LMBR1: variants seen among roughly 807,000 people sequenced by gnomAD.
LMBR1 encodes the protein limb development membrane protein 1, also known as limb region 1 protein homolog.
A neutral mutation model predicts 73.9 loss-of-function variants in LMBR1; 52 were observed. That is an observed-to-expected ratio of 0.70 (90% confidence interval 0.56 to 0.89). The LOEUF (loss-of-function observed/expected upper bound fraction) is 0.89. LMBR1 is among the 40% of genes least tolerant of loss of function. The pLI is 0.00. For missense variants in LMBR1, 539 were observed against 579.8 expected, an observed-to-expected ratio of 0.93 and a Z score of 0.72; for synonymous variants, 215 against 209.4, an observed-to-expected ratio of 1.03 and a Z score of -0.23.
intron 9 of LMBR1, among the ~76,000 whole-genome samples, chr7:156,741,400 A>G (rs557914158): frequency 6.6e-6 from 1 of 152,332 alleles, no homozygotes; most frequent in African/African-American, 2.4e-5. Flanking sequence ...TCTGTTGCCT[A>G]AAAGAAATAC....
intron 15 of LMBR1, among the ~76,000 whole-genome samples, chr7:156,710,127 G>C (rs1228510973): frequency 6.6e-6 from 1 of 150,962 alleles, no homozygotes; most frequent in African/African-American, 2.4e-5. Context: ...GGATGCTCTC[G>C]ATCTCCCGAC....
chr7:156,870,874 CAAGAA>C (rs1799184649), intron 1 of LMBR1, among the ~76,000 whole-genome samples: 1 of 151,460 alleles, frequency 6.6e-6, no homozygotes, highest in South Asian at 2.1e-4. Context: ...ACATTAAAAA[CAAGAA>C]AAGTCTCAAA....
rs574844277 is a variant in LMBR1, at chr7:156,768,969, G to A, written c.424-5174C>T. 7.9e-5 allele frequency among the ~76,000 whole-genome samples: 12 copies of A among 152,276 alleles called. 1 individual carries two copies. Among genetic ancestry groups the A allele is most frequent in the African/African-American group, 2.9e-4 (12 of 41,552 alleles). The stretch of plus-strand genomic sequence containing the variant: ...AAATGGCCTCCTGGAGTATTTGTGA[G>A]CTATTAAGTCTCTCACAAAAGCTGA... On this transcript the variant is annotated intron_variant, in intron 5 of 16. Transcript: ENST00000353442.
intron 9 of LMBR1, among the ~76,000 whole-genome samples, chr7:156,736,809 A>T (rs1817956569): frequency 6.6e-6 from 1 of 152,180 alleles, no homozygotes; most frequent in Admixed American, 6.5e-5. Flanking sequence ...CCACCCCTAG[A>T]ATTAGCAATA....
chr7:156,741,999 A>G (rs1189249311), intron 9 of LMBR1, among the ~76,000 whole-genome samples: 1 of 152,142 alleles, frequency 6.6e-6, no homozygotes, highest in Non-Finnish European at 1.5e-5. Flanking sequence ...GGAATTTTCA[A>G]AACTATACAA....
Position 156,706,714 on chromosome 7 carries a change from C to T in LMBR1, c.1225+17398G>A, listed in dbSNP as rs59889857. On this transcript the variant is annotated intron_variant, in intron 15 of 16. Transcript: ENST00000353442. ...TGGAAACACAACATACTGAAACTTGCGAGATACAGCAAAAACAGTGCTAGG... is the reference window on the plus strand; with the variant it reads ...TGGAAACACAACATACTGAAACTTGTGAGATACAGCAAAAACAGTGCTAGG... Among the ~76,000 whole-genome samples, 63 of 151,630 alleles carry T rather than the reference C, an allele frequency of 4.2e-4. 1 individual carries two copies. Among genetic ancestry groups the T allele is most frequent in the African/African-American group, 1.5e-3 (60 of 41,362 alleles).
At position 156,762,119 on chromosome 7, in the gene LMBR1, TA is replaced by T; in HGVS notation, c.684+14del. The T allele has an allele frequency of 6.7e-7, 1 of 1,498,078 alleles. No homozygotes were observed. The highest frequency in any genetic ancestry group is 9.3e-7 in the Non-Finnish European group (1 of 1,076,916). The allele number at this position is 1,498,078 out of a possible 1,614,324, so 92.8% of individuals were successfully genotyped here. Reference sequence around the variant, plus strand: ...TTTATTTAATAAACAAAATGATTTATAATTAAATACTTACTGTTGGCTTCAC... The same window carrying T: ...TTTATTTAATAAACAAAATGATTTATATTAAATACTTACTGTTGGCTTCAC... On this transcript the variant is annotated intron_variant, in intron 8 of 16. Transcript: ENST00000353442.
intron 1 of LMBR1, among the ~76,000 whole-genome samples, chr7:156,889,960 C>A (rs921423689): frequency 6.6e-6 from 1 of 152,010 alleles, no homozygotes; most frequent in African/African-American, 2.4e-5. Context: ...GCCATGATTG[C>A]GCCACTGCAC....
intron 5 of LMBR1, among the ~76,000 whole-genome samples, chr7:156,785,164 C>T (rs1827848590): frequency 6.6e-6 from 1 of 152,106 alleles, no homozygotes; most frequent in South Asian, 2.1e-4. Context: ...GTAATCCCAG[C>T]TACTTGGGAG....
chr7:156,671,707 T>TA (rs1802585300), intron 4 of LMBR1, among the ~76,000 whole-genome samples: 2 of 152,296 alleles, frequency 1.3e-5, no homozygotes, highest in Non-Finnish European at 2.9e-5. Flanking sequence ...CCCCAACAGT[T>TA]AGTTTTTCAG....
chr7:156,779,436 TACA>T (rs1271968409), intron 5 of LMBR1, among the ~76,000 whole-genome samples: 2 of 152,198 alleles, frequency 1.3e-5, no homozygotes, highest in African/African-American at 4.8e-5. Flanking sequence ...TTTTTGAAAT[TACA>T]ACAACCTCAA....
downstream of LMBR1, among the ~76,000 whole-genome samples, chr7:156,673,906 T>TAAAAAAAAAA (rs3030984): frequency 9.9e-6 from 1 of 100,816 alleles, no homozygotes; most frequent in Non-Finnish European, 2.1e-5. Context: ...TCCACATTAA[T>TAAAAAAAAAA]AAAAAAAAAA....
intron 15 of LMBR1, among the ~76,000 whole-genome samples, chr7:156,723,377 T>C (rs1815019473): frequency 6.6e-6 from 1 of 152,160 alleles, no homozygotes; most frequent in South Asian, 2.1e-4. Flanking sequence ...ATCATTCGTG[T>C]GCACTCTTAA....
chr7:156,840,151 T>G (rs1047810022), intron 1 of LMBR1, among the ~76,000 whole-genome samples: 3 of 152,230 alleles, frequency 2.0e-5, no homozygotes, highest in Admixed American at 1.3e-4. Flanking sequence ...ATTTTTACTG[T>G]GGGCTTGCTA....
chr7:156,853,469 T>C (rs1227980877), intron 1 of LMBR1, among the ~76,000 whole-genome samples: 1 of 152,110 alleles, frequency 6.6e-6, no homozygotes, highest in Non-Finnish European at 1.5e-5. Context: ...GAAAAACATT[T>C]ACACTAATTT....
intron 1 of LMBR1, among the ~76,000 whole-genome samples, chr7:156,862,570 A>T (rs1332115973): frequency 6.6e-6 from 1 of 152,214 alleles, no homozygotes; most frequent in Non-Finnish European, 1.5e-5. Flanking sequence ...ATGATCCATG[A>T]AAGAAAAAGT....
intron 9 of LMBR1, among the ~76,000 whole-genome samples, chr7:156,738,844 T>G (rs1273382253): frequency 6.6e-6 from 1 of 152,110 alleles, no homozygotes; most frequent in Admixed American, 6.5e-5. Context: ...CCATGGGCCT[T>G]GCTTGGGAAG....
At chr7:156,707,911 T>A (rs748117877) in intron 15 of LMBR1, among the ~76,000 whole-genome samples, 1 of 152,088 alleles carries the variant, frequency 6.6e-6, no homozygotes, top group African/African-American at 2.4e-5. Flanking sequence ...TGTTCGTTCA[T>A]GATATGATCT....
At chr7:156,731,482 C>T (rs1816821291) in intron 10 of LMBR1, among the ~76,000 whole-genome samples, 1 of 152,058 alleles carries the variant, frequency 6.6e-6, no homozygotes, top group South Asian at 2.1e-4. Context: ...AGTAAAATTG[C>T]TAAACAAAGA....
Sources: allele counts gnomAD v4.1 joint callset (sites outside exome capture counted in the v4.1 genomes callset), GRCh38; gene constraint gnomAD v4.1.1; transcripts MANE v1.5; gene names NCBI Gene and HGNC (gene_info 2026-07-23, HGNC 2026-07-21).